Variants in SORCS2 observed in about 807,000 individuals in gnomAD.
The protein encoded by SORCS2 is sortilin related VPS10 domain containing receptor 2.
A neutral mutation model predicts 141.6 loss-of-function variants in SORCS2; 100 were observed. The ratio of observed to expected loss-of-function variants is 0.71; its 90% CI spans 0.60 to 0.83. The LOEUF (loss-of-function observed/expected upper bound fraction) is 0.83. Among genes scored for constraint, SORCS2 ranks in the 40% least tolerant of loss-of-function variants. The pLI is 0.00. For missense variants in SORCS2, 1,646 were observed against 1,560.2 expected (o/e 1.05, Z -0.93); for synonymous variants, 789 against 676.9 (o/e 1.17, Z -2.57).
intron 3 of SORCS2, among the ~76,000 whole-genome samples, chr4:7,597,564 A>C (rs1191336992): frequency 6.7e-6 from 1 of 149,270 alleles, no homozygotes; most frequent in Non-Finnish European, 1.5e-5. Flanking sequence ...GAGCTGTTGC[A>C]ATAGGGGAAG....
At chr4:7,506,002 G>A (rs1347083970) in intron 2 of SORCS2, among the ~76,000 whole-genome samples, 2 of 152,168 alleles carry the variant, frequency 1.3e-5, no homozygotes, top group African/African-American at 4.8e-5. Flanking sequence ...GCCCTGGCAG[G>A]GGGAACGCAT....
rs1398101514 is a variant in SORCS2 at position 7,507,610 on chromosome 4, G to C, written c.549-23920G>C. ...CTCTAAACCAAGTGGCACGAAAGTA[G>C]ACGGTGAATCAGTGGAGTGATTCCA... On this transcript the variant is annotated intron_variant, in intron 2 of 26. Transcript: ENST00000507866. 3.3e-5 allele frequency among the ~76,000 whole-genome samples: 5 copies of C among 152,366 alleles called. No homozygotes were observed. The South Asian group carries it at 8.3e-4, about 25-fold the overall frequency.
rs553093706 is a variant in SORCS2 at position 7,324,156 on chromosome 4, A to G, written c.481-72132A>G. On this transcript the variant is annotated intron_variant, in intron 1 of 26. Transcript: ENST00000507866. ...CCCAGGCAGTCTGGCTCTAAAGCCT[A>G]TTCCCTTTCCACTAAGCCAGGCTGC... Among the ~76,000 whole-genome samples, 132 of 152,316 alleles carry G rather than the reference A, an allele frequency of 8.7e-4. 1 individual carries two copies. Among genetic ancestry groups the G allele is most frequent in the Non-Finnish European group, 2.2e-4 (15 of 68,020 alleles).
intron 3 of SORCS2, among the ~76,000 whole-genome samples, chr4:7,581,480 A>G (rs1716141135): frequency 6.6e-6 from 1 of 152,212 alleles, no homozygotes; most frequent in Non-Finnish European, 1.5e-5. Flanking sequence ...ACCCCATCCC[A>G]GACAAAAATC....
rs964935024 is a variant in SORCS2 at position 7,282,170 on chromosome 4, A to G, written c.480+89044A>G. 3.9e-5 allele frequency among the ~76,000 whole-genome samples: 6 copies of G among 152,216 alleles called. No homozygotes were observed. In the South Asian group the frequency reaches 1.0e-3, roughly 26 times the overall value. On this transcript the variant is annotated intron_variant, in intron 1 of 26. Coordinates refer to ENST00000507866, the MANE Select transcript of SORCS2 (RefSeq NM_020777.3). Reference sequence around the variant, plus strand: ...GGTTCCTGGGAGGGAGGCTGTCATTACAGATGGGAAGATCCTATCAGTGCC... The same window carrying G: ...GGTTCCTGGGAGGGAGGCTGTCATTGCAGATGGGAAGATCCTATCAGTGCC...
chr4:7,595,245 C>T (rs1051870950), intron 3 of SORCS2, among the ~76,000 whole-genome samples: 4 of 152,174 alleles, frequency 2.6e-5, no homozygotes, highest in African/African-American at 9.7e-5. Context: ...CGAGGCAGGG[C>T]ATGGGGTGAA....
chr4:7,522,163 C>G (rs75565140), intron 2 of SORCS2, among the ~76,000 whole-genome samples: 2,548 of 152,298 alleles, frequency 0.017, 64 homozygotes, highest in African/African-American at 0.058. Flanking sequence ...GCGGGTGCTG[C>G]CTTTCACACC....
At chr4:7,464,719 T>C (rs190533097) in intron 2 of SORCS2, among the ~76,000 whole-genome samples, 10 of 151,310 alleles carry the variant, frequency 6.6e-5, no homozygotes, top group African/African-American at 2.5e-4. Flanking sequence ...CAATGACAAA[T>C]AAAAAACAGA....
chr4:7,496,849 C>T (rs373927134), intron 2 of SORCS2, among the ~76,000 whole-genome samples: 7 of 152,140 alleles, frequency 4.6e-5, no homozygotes, highest in Non-Finnish European at 8.8e-5. Context: ...CACAGGGCTC[C>T]GGGCACAACT....
At chr4:7,652,695 GC>G (rs1404963455) in intron 4 of SORCS2, among the ~76,000 whole-genome samples, 1 of 152,020 alleles carries the variant, frequency 6.6e-6, no homozygotes, top group Admixed American at 6.5e-5. Flanking sequence ...TTCTGCTGCT[GC>G]CCCCAGCTGG....
chr4:7,406,525 T>C (rs1420952690), intron 2 of SORCS2, among the ~76,000 whole-genome samples: 1 of 151,886 alleles, frequency 6.6e-6, no homozygotes, highest in Admixed American at 6.6e-5. Context: ...TGTTGGCATA[T>C]AGTTGTTTAT....
intron 3 of SORCS2, among the ~76,000 whole-genome samples, chr4:7,610,311 T>C (rs1177904235): frequency 6.6e-6 from 1 of 152,172 alleles, no homozygotes; most frequent in Non-Finnish European, 1.5e-5. Flanking sequence ...GCCAGTTAAA[T>C]GAGGACACTC....
At chr4:7,260,924 T>A (rs1217455304) in intron 1 of SORCS2, among the ~76,000 whole-genome samples, 1 of 152,072 alleles carries the variant, frequency 6.6e-6, no homozygotes, top group African/African-American at 2.4e-5. Context: ...CTCAGAGAGG[T>A]GGAGAGTCAT....
At chr4:7,505,801 G>C (rs930480755) in intron 2 of SORCS2, among the ~76,000 whole-genome samples, 3 of 152,206 alleles carry the variant, frequency 2.0e-5, no homozygotes, top group Non-Finnish European at 2.9e-5. Context: ...AACTCCATGA[G>C]CCTCAGTTTT....
chr4:7,568,669 A>C lies in SORCS2; in HGVS notation c.648+37040A>C, dbSNP rs1327799727. On this transcript the variant is annotated intron_variant, in intron 3 of 26. Coordinates refer to ENST00000507866, the MANE Select transcript of SORCS2 (RefSeq NM_020777.3). ...TGGTAATTGGTGCAGGATCCAAGAAATGTTGGTCACTGTGTTTCCCTCAAA... is the reference window on the plus strand; with the variant it reads ...TGGTAATTGGTGCAGGATCCAAGAACTGTTGGTCACTGTGTTTCCCTCAAA... Among the ~76,000 whole-genome samples the C allele has an allele frequency of 5.3e-5, 8 of 152,226 alleles. 1 individual carries two copies. Among genetic ancestry groups the C allele is most frequent in the Non-Finnish European group, 1.2e-4 (8 of 68,044 alleles).
chr4:7,521,873 C>T (rs1358378427), intron 2 of SORCS2, among the ~76,000 whole-genome samples: 4 of 152,216 alleles, frequency 2.6e-5, no homozygotes, highest in Admixed American at 1.3e-4. Context: ...CACTCAGCCT[C>T]GCAGCTGTTA....
At chr4:7,736,305 C>T (rs1315246648) in intron 25 of SORCS2, among the ~76,000 whole-genome samples, 1 of 152,246 alleles carries the variant, frequency 6.6e-6, no homozygotes, top group Non-Finnish European at 1.5e-5. Flanking sequence ...TGAAGTGTTG[C>T]AGCTTATAGG....
intron 1 of SORCS2, among the ~76,000 whole-genome samples, chr4:7,214,156 G>C (rs559537316): frequency 1.1e-4 from 16 of 152,286 alleles, no homozygotes; most frequent in Non-Finnish European, 2.2e-4. Flanking sequence ...GCTGGTGGGT[G>C]GGGAGGCTGC....
chr4:7,671,421 G>A (rs1722792037), intron 8 of SORCS2, among the ~76,000 whole-genome samples: 1 of 152,036 alleles, frequency 6.6e-6, no homozygotes, highest in South Asian at 2.1e-4. Context: ...TTCAATATGA[G>A]TGTCTTACAG....
Sources: gnomAD v4.1 joint callset for allele counts (sites outside exome capture counted in the v4.1 genomes callset) on GRCh38, gnomAD v4.1.1 for gene constraint, MANE v1.5 for transcripts, NCBI Gene and HGNC (gene_info 2026-07-23, HGNC 2026-07-21) for gene names.